The following CSMD2 variants were observed in gnomAD, a reference collection of about 807,000 sequenced individuals.
The protein encoded by CSMD2 is CUB and Sushi multiple domains 2.
CSMD2 carries 130 observed loss-of-function variants against 398.5 expected under a neutral mutation model. That is an observed-to-expected ratio of 0.33 (90% CI 0.28 to 0.38). The LOEUF is 0.38. Ranked by LOEUF, CSMD2 falls within the 10% of genes least tolerant of loss-of-function variation. CSMD2 has a pLI of 1.00. For missense variants in CSMD2, 3,829 were observed against 4,764.9 expected, an observed-to-expected ratio of 0.80 and a Z score of 5.78; for synonymous variants, 1,828 against 1,908.5, an observed-to-expected ratio of 0.96 and a Z score of 1.10.
intron 2 of CSMD2, among the ~76,000 whole-genome samples, chr1:34,075,635 G>T (rs185036010): frequency 8.5e-5 from 13 of 152,272 alleles, no homozygotes; most frequent in Admixed American, 8.5e-4. Flanking sequence ...GTGCTTAACT[G>T]GTGCAGTCAT....
chr1:33,757,348 A>C (rs1267260442), intron 13 of CSMD2, among the ~76,000 whole-genome samples: 1 of 152,196 alleles, frequency 6.6e-6, no homozygotes, highest in Non-Finnish European at 1.5e-5. Context: ...ATTTTGTCAC[A>C]GCAACTTAAA....
intron 23 of CSMD2, among the ~76,000 whole-genome samples, chr1:33,699,872 T>C (rs1005762281): frequency 2.6e-5 from 4 of 152,228 alleles, no homozygotes; most frequent in Non-Finnish European, 5.9e-5. Flanking sequence ...CCCTTTACTT[T>C]CTGGCTCTAT....
intron 33 of CSMD2, 130 bp from the exon 34 acceptor site, chr1:33,625,384 G>C (rs1459247823): frequency 1.2e-6 from 1 of 849,920 alleles, no homozygotes; most frequent in African/African-American, 1.7e-5. Flanking sequence ...TCTCCCGTAG[G>C]GAAGGGCTCG....
At chr1:33,786,118 A>G (rs1653506004) in intron 12 of CSMD2, among the ~76,000 whole-genome samples, 1 of 152,178 alleles carries the variant, frequency 6.6e-6, no homozygotes, top group Non-Finnish European at 1.5e-5. Context: ...CTTGATATTT[A>G]TTCCCACTTT....
chr1:34,023,257 A>G (rs186095400), intron 3 of CSMD2, among the ~76,000 whole-genome samples: 2 of 152,244 alleles, frequency 1.3e-5, no homozygotes, highest in East Asian at 3.9e-4. Context: ...ATGACCACAG[A>G]CTCCCAAGAG....
intron 3 of CSMD2, among the ~76,000 whole-genome samples, chr1:33,937,040 A>G (rs1176763362): frequency 6.6e-6 from 1 of 152,134 alleles, no homozygotes; most frequent in African/African-American, 2.4e-5. Flanking sequence ...AAGTCTTTTA[A>G]CCTTTTTGCA....
rs112770412 is a variant in CSMD2, at chr1:34,137,369, G to A, written c.187+27542C>T. ...GCTCTTTTCACCAGAACATCTTTGA[G>A]CACTCTTAACAGCAAGTCTTTTTCC... On this transcript the variant is annotated intron_variant, in intron 1 of 70. Transcript: ENST00000373381. Among the ~76,000 whole-genome samples the A allele has an allele frequency of 7.2e-5, 11 of 152,184 alleles. 1 individual carries two copies. The highest frequency in any genetic ancestry group is 2.2e-4 in the African/African-American group (9 of 41,510).
intron 32 of CSMD2, among the ~76,000 whole-genome samples, chr1:33,628,440 G>A (rs1408637026): frequency 6.6e-6 from 1 of 152,034 alleles, no homozygotes; most frequent in Non-Finnish European, 1.5e-5. Context: ...AGGCTGAGGC[G>A]GGCGGATCAC....
At chr1:34,006,099 C>T (rs368583886) in intron 3 of CSMD2, among the ~76,000 whole-genome samples, 4 of 152,246 alleles carry the variant, frequency 2.6e-5, no homozygotes, top group East Asian at 3.9e-4. Context: ...CTACCATATC[C>T]TTCTATCAGT....
At chr1:33,745,935 T>C (rs916547059) in intron 13 of CSMD2, among the ~76,000 whole-genome samples, 1 of 152,180 alleles carries the variant, frequency 6.6e-6, no homozygotes, top group African/African-American at 2.4e-5. Context: ...ATTAACCCCA[T>C]TTAAAGATGA....
chr1:33,831,054 C>T (rs924100595), intron 6 of CSMD2, among the ~76,000 whole-genome samples: 14 of 152,086 alleles, frequency 9.2e-5, no homozygotes, highest in African/African-American at 2.9e-4. Context: ...CTGAAAGTGA[C>T]GGGGAGAATG....
chr1:33,651,734 C>G (rs1643765333), intron 28 of CSMD2, among the ~76,000 whole-genome samples: 1 of 152,074 alleles, frequency 6.6e-6, no homozygotes, highest in Non-Finnish European at 1.5e-5. Flanking sequence ...CAGAAAGGCC[C>G]ATTTTGTTTG....
intron 25 of CSMD2, among the ~76,000 whole-genome samples, chr1:33,664,673 G>C: frequency 6.6e-6 from 1 of 151,894 alleles, no homozygotes. Context: ...CGAGGTGGCG[G>C]GCGCCTGTAG....
chr1:33,799,855 T>C (rs1196535178), intron 10 of CSMD2, among the ~76,000 whole-genome samples: 1 of 152,236 alleles, frequency 6.6e-6, no homozygotes, highest in Non-Finnish European at 1.5e-5. Flanking sequence ...ATAAACGGTG[T>C]GTTTTTTAAG....
At position 33,625,263 on chromosome 1, in the gene CSMD2, G is replaced by C. The variant is rs372830550; in HGVS notation, c.5297-9C>G. Reference sequence around the variant, plus strand: ...GCTGGTTCGAGGAACCGCTGTGGGGGACAAGGGCACTGAGGGGAGGCCTCA... The same window carrying C: ...GCTGGTTCGAGGAACCGCTGTGGGGCACAAGGGCACTGAGGGGAGGCCTCA... On this transcript the variant is annotated splice_polypyrimidine_tract_variant and intron_variant, in intron 33 of 70. Transcript: ENST00000373381. 2.5e-6 allele frequency: 4 copies of C among 1,606,684 alleles called. No individual in the cohort carries two copies. Among genetic ancestry groups the C allele is most frequent in the Non-Finnish European group, 3.4e-6 (4 of 1,177,338 alleles).
chr1:33,819,345 T>G (rs909624466), intron 9 of CSMD2, among the ~76,000 whole-genome samples: 1 of 152,180 alleles, frequency 6.6e-6, no homozygotes, highest in Non-Finnish European at 1.5e-5. Flanking sequence ...GCATGTGTGT[T>G]GTAACAGAGG....
intron 5 of CSMD2, among the ~76,000 whole-genome samples, chr1:33,899,409 G>A (rs1157736936): frequency 6.6e-6 from 1 of 152,226 alleles, no homozygotes; most frequent in Non-Finnish European, 1.5e-5. Context: ...CAGAGGTTGG[G>A]AGGCAAAGGG....
At chr1:33,753,881 T>C (rs1325882843) in intron 13 of CSMD2, among the ~76,000 whole-genome samples, 1 of 152,248 alleles carries the variant, frequency 6.6e-6, no homozygotes, top group East Asian at 1.9e-4. Context: ...CCCTTTCTTT[T>C]GGCCAGTTTC....
intron 26 of CSMD2, among the ~76,000 whole-genome samples, chr1:33,662,580 T>C (rs1389919583): frequency 1.3e-5 from 2 of 152,202 alleles, no homozygotes; most frequent in Non-Finnish European, 2.9e-5. Context: ...TACTTGTCCG[T>C]TGGGTCTGAG....
Sources: allele counts gnomAD v4.1 joint callset (sites outside exome capture counted in the v4.1 genomes callset), GRCh38; gene constraint gnomAD v4.1.1; transcripts MANE v1.5; gene names NCBI Gene and HGNC (gene_info 2026-07-23, HGNC 2026-07-21).